KCNMB2: variants seen among roughly 807,000 people sequenced by gnomAD.
The protein encoded by KCNMB2 is calcium-activated potassium channel subunit beta-2.
In KCNMB2, 9 loss-of-function variants were observed where a neutral mutation model predicts 24.5. That is an observed-to-expected ratio of 0.37 (90% confidence interval 0.22 to 0.64). The LOEUF (loss-of-function observed/expected upper bound fraction) is 0.64. KCNMB2 is among the 30% of genes least tolerant of loss of function. KCNMB2 has a pLI of 0.63. For missense variants in KCNMB2, 226 were observed against 284.3 expected (o/e 0.79, Z 1.47); for synonymous variants, 109 against 104.4 (o/e 1.04, Z -0.27).
intron 1 of KCNMB2, among the ~76,000 whole-genome samples, chr3:178,781,479 C>A (rs1475970884): frequency 2.0e-5 from 3 of 152,146 alleles, no homozygotes; most frequent in Non-Finnish European, 4.4e-5. Flanking sequence ...GTAATCCCAG[C>A]TACTCGGGAG....
At chr3:178,794,143 C>A (rs1713437726) in intron 1 of KCNMB2, among the ~76,000 whole-genome samples, 1 of 152,136 alleles carries the variant, frequency 6.6e-6, no homozygotes, top group South Asian at 2.1e-4. Context: ...TACGCCTTTG[C>A]AGAACACCAC....
chr3:178,763,647 T>G (rs1376433728), intron 1 of KCNMB2, among the ~76,000 whole-genome samples: 1 of 152,160 alleles, frequency 6.6e-6, no homozygotes, highest in African/African-American at 2.4e-5. Flanking sequence ...TGATACAATT[T>G]AGGATATGAC....
At chr3:178,773,979 T>C (rs1712478893) in intron 1 of KCNMB2, among the ~76,000 whole-genome samples, 3 of 152,238 alleles carry the variant, frequency 2.0e-5, no homozygotes, top group South Asian at 4.1e-4. Flanking sequence ...TTCTGGAGAC[T>C]GGGAAGTCCA....
chr3:178,699,236 T>C (rs1559979421), intron 1 of KCNMB2, among the ~76,000 whole-genome samples: 1 of 152,242 alleles, frequency 6.6e-6, no homozygotes, highest in Non-Finnish European at 1.5e-5. Flanking sequence ...GGATCCATTG[T>C]TGTCTGCACA....
chr3:178,704,093 A>G (rs1309836356), intron 1 of KCNMB2, among the ~76,000 whole-genome samples: 6 of 152,130 alleles, frequency 3.9e-5, no homozygotes, highest in Non-Finnish European at 1.5e-5. Context: ...AGAAATTGAC[A>G]AAGTCTTTTT....
intron 1 of KCNMB2, among the ~76,000 whole-genome samples, chr3:178,704,431 C>T (rs895163258): frequency 6.6e-6 from 1 of 152,058 alleles, no homozygotes; most frequent in Admixed American, 6.6e-5. Context: ...CCAAACAAGG[C>T]TAAATTAATT....
intron 1 of KCNMB2, among the ~76,000 whole-genome samples, chr3:178,747,302 T>C (rs1392331056): frequency 2.6e-5 from 4 of 152,270 alleles, no homozygotes; most frequent in Middle Eastern, 3.4e-3. Context: ...CTAACTGCCA[T>C]GAGAACAGCA....
intron 1 of KCNMB2, among the ~76,000 whole-genome samples, chr3:178,550,294 C>CAA (rs773624199): frequency 2.2e-5 from 3 of 137,750 alleles, no homozygotes; most frequent in African/African-American, 7.9e-5. Context: ...ACTAAAAATA[C>CAA]AAAAAAAAAA....
chr3:178,551,503 A>G (rs1278127035), intron 1 of KCNMB2, among the ~76,000 whole-genome samples: 1 of 152,192 alleles, frequency 6.6e-6, no homozygotes, highest in Admixed American at 6.5e-5. Flanking sequence ...AACCTTCTTC[A>G]CTAAGACATG....
intron 1 of KCNMB2, among the ~76,000 whole-genome samples, chr3:178,704,629 A>T (rs552597665): frequency 6.6e-6 from 1 of 152,238 alleles, no homozygotes; most frequent in Admixed American, 6.5e-5. Flanking sequence ...ACAAAGATGG[A>T]AATCTGTTTT....
chr3:178,712,397 TG>T (rs1337797553), intron 1 of KCNMB2, among the ~76,000 whole-genome samples: 2 of 152,148 alleles, frequency 1.3e-5, no homozygotes, highest in African/African-American at 4.8e-5. Flanking sequence ...TGAATAAGTG[TG>T]GGGTTACGTT....
At chr3:178,624,416 C>T (rs1719031642) in intron 1 of KCNMB2, among the ~76,000 whole-genome samples, 1 of 151,848 alleles carries the variant, frequency 6.6e-6, no homozygotes, top group Non-Finnish European at 1.5e-5. Context: ...GGTTGAATTC[C>T]ACTGTGGAAA....
intron 1 of KCNMB2, among the ~76,000 whole-genome samples, chr3:178,603,358 G>T (rs1718160143): frequency 6.6e-6 from 1 of 152,154 alleles, no homozygotes; most frequent in Non-Finnish European, 1.5e-5. Context: ...ATCTGGGAAG[G>T]TATGGAGATA....
rs1560009416 is a variant in KCNMB2 at position 178,759,661 on chromosome 3, G to GGATATATATACATATATCTCTCTCCAAGA, written c.-67-47681_-67-47680insATATATATACATATATCTCTCTCCAAGAG. The stretch of plus-strand genomic sequence containing the variant: ...GATATATATATATATATCTCCAAGA[G>GGATATATATACATATATCTCTCTCCAAGA]GGATATATATATATATATCCAAGAG... On this transcript the variant is annotated intron_variant, in intron 1 of 4. Coordinates refer to ENST00000452583, the MANE Select transcript of KCNMB2 (RefSeq NM_181361.3). Among the ~76,000 whole-genome samples, 66 of 81,370 alleles carry GGATATATATACATATATCTCTCTCCAAGA rather than the reference G, an allele frequency of 8.1e-4. 6 individuals are homozygous for GGATATATATACATATATCTCTCTCCAAGA. Among genetic ancestry groups the GGATATATATACATATATCTCTCTCCAAGA allele is most frequent in the African/African-American group, 2.8e-3 (62 of 22,342 alleles). The allele number at this position is 81,370 out of a possible 152,430, so 53.4% of individuals were successfully genotyped here. A position where few individuals can be genotyped will look rare whatever the true frequency, so the allele number is the denominator to read the frequency against.
At chr3:178,620,659 C>T (rs1444079703) in intron 1 of KCNMB2, among the ~76,000 whole-genome samples, 1 of 152,186 alleles carries the variant, frequency 6.6e-6, no homozygotes, top group Non-Finnish European at 1.5e-5. Context: ...TTCATACCAT[C>T]ATTTTACACG....
chr3:178,573,003 A>G (rs943313867), intron 1 of KCNMB2, among the ~76,000 whole-genome samples: 1 of 152,150 alleles, frequency 6.6e-6, no homozygotes, highest in African/African-American at 2.4e-5. Flanking sequence ...GTGAAAATGT[A>G]AATACATTTG....
At chr3:178,721,235 C>G (rs1434336610) in intron 1 of KCNMB2, among the ~76,000 whole-genome samples, 1 of 152,132 alleles carries the variant, frequency 6.6e-6, no homozygotes, top group East Asian at 1.9e-4. Flanking sequence ...ATAGGGAATC[C>G]TTTCCCCATT....
intron 1 of KCNMB2, among the ~76,000 whole-genome samples, chr3:178,658,917 A>G (rs1290524546): frequency 1.3e-5 from 2 of 152,208 alleles, no homozygotes; most frequent in African/African-American, 4.8e-5. Flanking sequence ...AACATGAATG[A>G]CATACTTGAG....
At chr3:178,562,562 A>G (rs1204382325) in intron 1 of KCNMB2, among the ~76,000 whole-genome samples, 2 of 152,240 alleles carry the variant, frequency 1.3e-5, no homozygotes, top group African/African-American at 4.8e-5. Flanking sequence ...CTAAACTGTC[A>G]ATAAACTATA....
Sources: allele counts gnomAD v4.1 joint callset (sites outside exome capture counted in the v4.1 genomes callset), GRCh38; gene constraint gnomAD v4.1.1; transcripts MANE v1.5; gene names NCBI Gene and HGNC (gene_info 2026-07-23, HGNC 2026-07-21).